Variants in DLG2 observed in about 807,000 individuals in gnomAD.
DLG2 encodes the protein discs large MAGUK scaffold protein 2, also known as disks large homolog 2.
In DLG2, 45 loss-of-function variants were observed where a neutral mutation model predicts 132.5. The observed-to-expected ratio is 0.34, with a 90% confidence interval of 0.27 to 0.44. DLG2 has a LOEUF of 0.44. DLG2 is among the 20% of genes least tolerant of loss of function. The pLI, the probability that DLG2 is intolerant of heterozygous loss-of-function variation, is 1.00. For synonymous variants in DLG2, 424 were observed against 419.6 expected (o/e 1.01, Z -0.13); for missense variants, 1,045 against 1,196.9 (o/e 0.87, Z 1.87).
chr11:84,273,081 A>T, intron 7 of DLG2: 9 of 1,284,670 alleles, frequency 7.0e-6, no homozygotes, highest in Non-Finnish European at 9.3e-6. Flanking sequence ...ATTTCTCTAT[A>T]GATACAACAG....
chr11:83,741,467 A>C (rs1199430811), intron 18 of DLG2, among the ~76,000 whole-genome samples: 1 of 152,240 alleles, frequency 6.6e-6, no homozygotes, highest in Non-Finnish European at 1.5e-5. Context: ...TTCAGGATAC[A>C]AAATTAATAT....
At chr11:83,566,521 A>G (rs2096711416) in intron 19 of DLG2, among the ~76,000 whole-genome samples, 1 of 152,162 alleles carries the variant, frequency 6.6e-6, no homozygotes, top group Non-Finnish European at 1.5e-5. Flanking sequence ...GGCTCTGCCT[A>G]CACTTGACCA....
chr11:84,844,734 A>T (rs2081249754), intron 6 of DLG2, among the ~76,000 whole-genome samples: 1 of 152,154 alleles, frequency 6.6e-6, no homozygotes, highest in South Asian at 2.1e-4. Flanking sequence ...GCTCATTTTA[A>T]GTTAAATCTC....
chr11:84,849,638 T>G (rs2081945687), intron 6 of DLG2, among the ~76,000 whole-genome samples: 1 of 152,154 alleles, frequency 6.6e-6, no homozygotes, highest in Non-Finnish European at 1.5e-5. Context: ...ACCCTCTAGA[T>G]GTTAGTTCAA....
chr11:84,252,950 G>A (rs984302379), intron 7 of DLG2, among the ~76,000 whole-genome samples: 1 of 152,104 alleles, frequency 6.6e-6, no homozygotes, highest in African/African-American at 2.4e-5. Flanking sequence ...CTATTCTGTG[G>A]AATCCTAATC....
At chr11:84,833,863 T>C (rs745991024) in intron 6 of DLG2, among the ~76,000 whole-genome samples, 1 of 151,710 alleles carries the variant, frequency 6.6e-6, no homozygotes, top group South Asian at 2.1e-4. Flanking sequence ...GACTTCCAAA[T>C]AGCTGTGAAC....
At chr11:84,600,804 TATG>T (rs879786005) in intron 6 of DLG2, among the ~76,000 whole-genome samples, 6 of 152,290 alleles carry the variant, frequency 3.9e-5, no homozygotes, top group Middle Eastern at 3.4e-3. Context: ...GAAATGAAAC[TATG>T]AATTATCACT....
chr11:84,929,295 A>G (rs1054542367), intron 6 of DLG2, among the ~76,000 whole-genome samples: 2 of 151,748 alleles, frequency 1.3e-5, no homozygotes, highest in African/African-American at 2.4e-5. Flanking sequence ...TAACTCTTTC[A>G]CACAAAACAA....
chr11:83,586,240 G>A (rs1478831834), intron 19 of DLG2, among the ~76,000 whole-genome samples: 1 of 152,226 alleles, frequency 6.6e-6, no homozygotes, highest in African/African-American at 2.4e-5. Flanking sequence ...GCATTTGTGT[G>A]GAGTAAACTT....
intron 3 of DLG2, among the ~76,000 whole-genome samples, chr11:85,320,086 T>C (rs1047138795): frequency 6.6e-6 from 1 of 151,846 alleles, no homozygotes; most frequent in Admixed American, 6.6e-5. Context: ...AACTAAGCCA[T>C]GTGCTAGCAG....
chr11:85,253,909 A>G (rs1043326584), intron 4 of DLG2, among the ~76,000 whole-genome samples: 1 of 152,144 alleles, frequency 6.6e-6, no homozygotes, highest in Non-Finnish European at 1.5e-5. Context: ...AATCTACGCC[A>G]TCAATCTGTC....
intron 6 of DLG2, among the ~76,000 whole-genome samples, chr11:84,844,111 G>A (rs1291434452): frequency 9.6e-5 from 7 of 72,918 alleles, no homozygotes; most frequent in Admixed American, 2.5e-4. Flanking sequence ...ATGTTTGTGT[G>A]TGTGTGTGTG....
At chr11:85,520,801 G>C (rs927682918) in intron 3 of DLG2, among the ~76,000 whole-genome samples, 4 of 152,100 alleles carry the variant, frequency 2.6e-5, no homozygotes, top group Non-Finnish European at 4.4e-5. Flanking sequence ...GGGAAAGCTG[G>C]ATATTCATAT....
intron 7 of DLG2, among the ~76,000 whole-genome samples, chr11:84,407,348 G>A (rs1201350171): frequency 6.6e-6 from 1 of 151,940 alleles, no homozygotes; most frequent in Admixed American, 6.6e-5. Flanking sequence ...AGCATTACAT[G>A]CTCCTGGGTT....
At chr11:85,020,157 A>T (rs185246784) in intron 6 of DLG2, among the ~76,000 whole-genome samples, 1 of 152,140 alleles carries the variant, frequency 6.6e-6, no homozygotes, top group Non-Finnish European at 1.5e-5. Context: ...AATGATTGCC[A>T]TTCTAACTGG....
At chr11:83,498,519 A>G (rs1038720251) in intron 21 of DLG2, among the ~76,000 whole-genome samples, 19 of 152,022 alleles carry the variant, frequency 1.2e-4, no homozygotes, top group African/African-American at 4.3e-4. Flanking sequence ...GAATGAAGAC[A>G]CAAGATACCA....
intron 5 of DLG2, among the ~76,000 whole-genome samples, chr11:85,120,381 G>C (rs2074156226): frequency 6.6e-6 from 1 of 151,876 alleles, no homozygotes; most frequent in African/African-American, 2.4e-5. Flanking sequence ...TATTAATTCA[G>C]GACAGTTTTA....
chr11:84,326,575 T>G (rs2098434315), intron 7 of DLG2, among the ~76,000 whole-genome samples: 1 of 152,202 alleles, frequency 6.6e-6, no homozygotes, highest in African/African-American at 2.4e-5. Context: ...TTCATTGTAG[T>G]TGGAAAATAT....
At chr11:83,801,518 G>GT (rs2044380270) in intron 17 of DLG2, among the ~76,000 whole-genome samples, 1 of 151,994 alleles carries the variant, frequency 6.6e-6, no homozygotes, top group Admixed American at 6.6e-5. Flanking sequence ...CCTTCATTCT[G>GT]TTTTGCATCA....
Sources: gnomAD v4.1 joint callset for allele counts (sites outside exome capture counted in the v4.1 genomes callset) on GRCh38, gnomAD v4.1.1 for gene constraint, MANE v1.5 for transcripts, NCBI Gene and HGNC (gene_info 2026-07-23, HGNC 2026-07-21) for gene names.